Variants in NEDD4L observed in about 807,000 individuals in gnomAD.
NEDD4L encodes E3 ubiquitin-protein ligase NEDD4-like.
In NEDD4L, 54 loss-of-function variants were observed where a neutral mutation model predicts 148.9. The ratio of observed to expected loss-of-function variants is 0.36; its 90% CI spans 0.29 to 0.45. NEDD4L has a LOEUF of 0.45. NEDD4L is among the 20% of genes least tolerant of loss of function. The pLI is 1.00. For synonymous variants in NEDD4L, 433 were observed against 440.7 expected, an observed-to-expected ratio of 0.98 and a Z score of 0.22; for missense variants, 856 against 1,233.8, an observed-to-expected ratio of 0.69 and a Z score of 4.59.
chr18:58,340,791 T>C (rs1196363195), intron 13 of NEDD4L, among the ~76,000 whole-genome samples: 3 of 152,202 alleles, frequency 2.0e-5, no homozygotes, highest in African/African-American at 7.2e-5. Flanking sequence ...CGTTTGAGAC[T>C]ACGGGGTCTT....
intron 5 of NEDD4L, among the ~76,000 whole-genome samples, chr18:58,298,755 C>G (rs935883299): frequency 2.0e-5 from 3 of 152,132 alleles, no homozygotes; most frequent in South Asian, 4.1e-4. Context: ...TATCATGTCA[C>G]CTTGGATATA....
At chr18:58,073,703 G>A (rs896191410) in intron 1 of NEDD4L, among the ~76,000 whole-genome samples, 4 of 152,160 alleles carry the variant, frequency 2.6e-5, no homozygotes, top group African/African-American at 9.7e-5. Flanking sequence ...GCTGGTGGGA[G>A]GGGAGAATAG....
intron 5 of NEDD4L, among the ~76,000 whole-genome samples, chr18:58,285,162 CT>C (rs2053702277): frequency 1.3e-5 from 2 of 152,252 alleles, no homozygotes; most frequent in South Asian, 4.1e-4. Flanking sequence ...AGTACTTCCC[CT>C]GCTACTGCTT....
At chr18:58,325,227 G>A (rs371559502) in intron 9 of NEDD4L, 65 bp downstream of exon 9, 33 of 1,570,694 alleles carry the variant, frequency 2.1e-5, no homozygotes, top group Middle Eastern at 2.2e-4. Flanking sequence ...CAAATATGGC[G>A]GCCCTTTGGG....
intron 8 of NEDD4L, among the ~76,000 whole-genome samples, chr18:58,324,441 T>G (rs1362781890): frequency 6.6e-6 from 1 of 152,178 alleles, no homozygotes; most frequent in Non-Finnish European, 1.5e-5. Flanking sequence ...TTGTTTGGGA[T>G]GCAAAGAGGA....
chr18:58,276,986 T>C (rs1347113741), intron 5 of NEDD4L, among the ~76,000 whole-genome samples: 1 of 152,156 alleles, frequency 6.6e-6, no homozygotes, highest in Non-Finnish European at 1.5e-5. Context: ...GTTTTTCCCT[T>C]GGGGAGTATT....
chr18:58,297,764 A>G (rs1243316148), intron 5 of NEDD4L, among the ~76,000 whole-genome samples: 3 of 152,174 alleles, frequency 2.0e-5, no homozygotes, highest in African/African-American at 7.2e-5. Flanking sequence ...GTGTCCTTTT[A>G]AGCCCCTGCT....
At chr18:58,122,737 C>G (rs1481279744) in intron 1 of NEDD4L, among the ~76,000 whole-genome samples, 1 of 151,262 alleles carries the variant, frequency 6.6e-6, no homozygotes, top group Non-Finnish European at 1.5e-5. Flanking sequence ...TTTCTTTTTT[C>G]TTTTTCTTTT....
chr18:58,228,482 G>A (rs1045514250), intron 2 of NEDD4L, among the ~76,000 whole-genome samples: 33 of 152,234 alleles, frequency 2.2e-4, no homozygotes, highest in Non-Finnish European at 3.2e-4. Flanking sequence ...TGGGCAGACC[G>A]TGTATGCCAC....
At chr18:58,279,177 G>A (rs575944823) in intron 5 of NEDD4L, among the ~76,000 whole-genome samples, 12 of 152,118 alleles carry the variant, frequency 7.9e-5, no homozygotes, top group South Asian at 6.2e-4. Context: ...ATGCCTGGCC[G>A]ATTATACTTT....
intron 1 of NEDD4L, chr18:58,045,459 C>A (rs2144343976): frequency 4.1e-6 from 1 of 243,364 alleles, no homozygotes; most frequent in Non-Finnish European, 7.8e-6. Flanking sequence ...AATAAAGCGA[C>A]TGAATAAGCC....
intron 1 of NEDD4L, among the ~76,000 whole-genome samples, chr18:58,058,292 G>A (rs917204055): frequency 6.6e-6 from 1 of 152,192 alleles, no homozygotes; most frequent in Non-Finnish European, 1.5e-5. Context: ...GCGACAGAGC[G>A]AGACTCCATC....
chr18:58,390,372 A>G (rs766312073), intron 28 of NEDD4L: 13 of 326,902 alleles, frequency 4.0e-5, no homozygotes, highest in Non-Finnish European at 6.8e-5. Flanking sequence ...ACACAGAAAC[A>G]TGAGCTTGGT....
chr18:58,293,255 A>G (rs1204223863), intron 5 of NEDD4L, among the ~76,000 whole-genome samples: 1 of 152,070 alleles, frequency 6.6e-6, no homozygotes, highest in Non-Finnish European at 1.5e-5. Context: ...GTATCCATGG[A>G]CTCTTCTTCA....
intron 2 of NEDD4L, among the ~76,000 whole-genome samples, chr18:58,168,652 G>A (rs912290153): frequency 6.6e-6 from 1 of 151,806 alleles, no homozygotes; most frequent in South Asian, 2.1e-4. Flanking sequence ...AGTATTCCCC[G>A]CACCTCTGTG....
chr18:58,134,189 C>T (rs914873841), intron 1 of NEDD4L, among the ~76,000 whole-genome samples: 2 of 151,536 alleles, frequency 1.3e-5, no homozygotes, highest in African/African-American at 2.4e-5. Context: ...TTAGTAGAGA[C>T]GGGGTTTCAC....
chr18:58,234,568 C>T (rs1312620352), intron 2 of NEDD4L, among the ~76,000 whole-genome samples: 1 of 151,994 alleles, frequency 6.6e-6, no homozygotes, highest in Non-Finnish European at 1.5e-5. Flanking sequence ...CTCCTGAGCT[C>T]AAGGGATCCT....
At position 58,044,447 on chromosome 18, in the gene NEDD4L, G is replaced by T; in HGVS notation, c.-214G>T. ...GCTCTCGGGAGCCGCCCGCCCGCTGGTCCCGCAGCCTTCCGGGAGGAAGCG... is the reference window on the plus strand; with the variant it reads ...GCTCTCGGGAGCCGCCCGCCCGCTGTTCCCGCAGCCTTCCGGGAGGAAGCG... On this transcript the variant is annotated 5_prime_UTR_variant, in exon 1 of 31. Transcript: ENST00000400345. 2.1e-6 allele frequency: 1 copy of T among 473,324 alleles called. No individual in the cohort carries two copies. The allele number at this position is 473,324 out of a possible 1,614,324, so 29.3% of individuals were successfully genotyped here. A position where few individuals can be genotyped will look rare whatever the true frequency, so the allele number is the denominator to read the frequency against.
At chr18:58,155,007 G>A (rs150812837) in intron 1 of NEDD4L, among the ~76,000 whole-genome samples, 2,204 of 152,226 alleles carry the variant, frequency 0.014, 16 homozygotes, top group Non-Finnish European at 0.021. Flanking sequence ...ATCAAACTTC[G>A]TAAGATATTA....
Sources: gnomAD v4.1 joint callset for allele counts (sites outside exome capture counted in the v4.1 genomes callset) on GRCh38, gnomAD v4.1.1 for gene constraint, MANE v1.5 for transcripts, NCBI Gene and HGNC (gene_info 2026-07-23, HGNC 2026-07-21) for gene names.